The following GRAP2 variants were observed in gnomAD, a reference collection of about 807,000 sequenced individuals.
GRAP2 encodes the protein GRB2 related adaptor protein 2, also known as GRB2-related adapter protein 2.
Under a neutral mutation model 43.5 loss-of-function variants are expected in GRAP2, and 31 were observed. That is an observed-to-expected ratio of 0.71 (90% CI 0.54 to 0.96). GRAP2 has a LOEUF of 0.96. Ranked by LOEUF, GRAP2 falls within the 40% of genes least tolerant of loss-of-function variation. GRAP2 has a pLI of 0.00. For missense variants in GRAP2, 371 were observed against 424.4 expected (o/e 0.87, Z 1.11); for synonymous variants, 156 against 164.8 (o/e 0.95, Z 0.41).
intron 3 of GRAP2, among the ~76,000 whole-genome samples, chr22:39,959,418 G>A (rs988469557): frequency 1.3e-5 from 2 of 152,292 alleles, no homozygotes; most frequent in Admixed American, 6.5e-5. Context: ...GCTCTCTGGC[G>A]GCTGCCAGCC....
chr22:39,951,055 G>A (rs1357079510), intron 2 of GRAP2, among the ~76,000 whole-genome samples: 1 of 152,214 alleles, frequency 6.6e-6, no homozygotes, highest in Admixed American at 6.5e-5. Context: ...GTTTCCTGGG[G>A]CAGAGGCCCC....
intron 1 of GRAP2, among the ~76,000 whole-genome samples, chr22:39,901,962 T>C (rs1339269126): frequency 6.6e-6 from 1 of 152,236 alleles, no homozygotes; most frequent in Non-Finnish European, 1.5e-5. Flanking sequence ...TTGTCCCAAC[T>C]CTTCCTGAAC....
upstream of GRAP2, among the ~76,000 whole-genome samples, chr22:39,898,549 A>G (rs911554096): frequency 6.6e-6 from 1 of 152,254 alleles, no homozygotes; most frequent in Non-Finnish European, 1.5e-5. Context: ...GCAGTGGCTC[A>G]TGCCTGTAAT....
chr22:39,914,507 A>G (rs567902037), intron 1 of GRAP2, among the ~76,000 whole-genome samples: 3 of 152,316 alleles, frequency 2.0e-5, no homozygotes, highest in Admixed American at 6.5e-5. Context: ...TGAGCTGCAA[A>G]ACAAAGTTCT....
chr22:39,900,644 A>C (rs1391054750), upstream of GRAP2, among the ~76,000 whole-genome samples: 1 of 152,232 alleles, frequency 6.6e-6, no homozygotes, highest in African/African-American at 2.4e-5. Flanking sequence ...GACTGTGGCA[A>C]ACCTGGGGTG....
At chr22:39,946,994 C>A in intron 1 of GRAP2, 99 bp from the exon 2 acceptor site, 1 of 758,204 alleles carries the variant, frequency 1.3e-6, no homozygotes, top group Non-Finnish European at 2.4e-6. Flanking sequence ...CATCCATCTG[C>A]CCACTCTCCT....
rs1490820568 is a variant in GRAP2 at position 39,973,392 on chromosome 22, AC to A, written c.*2309del. ...CATACCCCTCAGGTAGAGAGTGAGA[AC>A]GAGACCAGGGGGTGACAGGGGTCAT... On this transcript the variant is annotated 3_prime_UTR_variant, in exon 8 of 8. Transcript: ENST00000344138. 1 of 152,186 alleles carries A rather than the reference AC, an allele frequency of 6.6e-6. No individual in the cohort carries two copies. The highest frequency in any genetic ancestry group is 1.5e-5 in the Non-Finnish European group (1 of 68,032). The allele number at this position is 152,186 out of a possible 1,614,324, so 9.4% of individuals were successfully genotyped here.
chr22:39,920,137 T>C (rs1441866027), intron 1 of GRAP2, among the ~76,000 whole-genome samples: 2 of 152,220 alleles, frequency 1.3e-5, no homozygotes, highest in Non-Finnish European at 2.9e-5. Context: ...CCAGGCCAAC[T>C]TGTGTCTGTC....
intron 4 of GRAP2, 105 bp downstream of exon 4, chr22:39,960,279 C>A: frequency 8.8e-7 from 1 of 1,136,778 alleles, no homozygotes; most frequent in Non-Finnish European, 1.3e-6. Context: ...TGGTCAGAAG[C>A]ATGGTGGCCT....
chr22:39,914,673 A>T (rs1016512421), intron 1 of GRAP2, among the ~76,000 whole-genome samples: 1 of 152,190 alleles, frequency 6.6e-6, no homozygotes, highest in Admixed American at 6.5e-5. Flanking sequence ...ATTTATTCCA[A>T]CTAGATTGCA....
chr22:39,895,602 C>A, the GRAP2 span, among the ~76,000 whole-genome samples: 1 of 152,138 alleles, frequency 6.6e-6, no homozygotes, highest in Non-Finnish European at 1.5e-5. Flanking sequence ...TTATGTAAAT[C>A]TCAAAGGAAT....
At chr22:39,949,757 A>G (rs1191916975) in intron 2 of GRAP2, among the ~76,000 whole-genome samples, 1 of 152,128 alleles carries the variant, frequency 6.6e-6, no homozygotes, top group African/African-American at 2.4e-5. Flanking sequence ...CCCTGTCCCA[A>G]CGTAGACGCC....
intron 1 of GRAP2, among the ~76,000 whole-genome samples, chr22:39,942,825 A>T (rs1320958015): frequency 6.6e-6 from 1 of 152,178 alleles, no homozygotes; most frequent in Non-Finnish European, 1.5e-5. Context: ...TTTGTTGCTG[A>T]TGTCCTGACA....
chr22:39,933,914 G>A (rs1318653679), intron 1 of GRAP2, among the ~76,000 whole-genome samples: 1 of 152,024 alleles, frequency 6.6e-6, no homozygotes, highest in Non-Finnish European at 1.5e-5. Flanking sequence ...GCTCTGTCAA[G>A]CAAGGAGAAT....
intron 1 of GRAP2, among the ~76,000 whole-genome samples, chr22:39,915,650 G>A (rs114691503): frequency 0.025 from 3,780 of 152,262 alleles, 157 homozygotes; most frequent in African/African-American, 0.086. Flanking sequence ...TACTTTCAAA[G>A]GAAAGAACTT....
chr22:39,903,032 G>A (rs1024191377), intron 1 of GRAP2, among the ~76,000 whole-genome samples: 5 of 152,206 alleles, frequency 3.3e-5, no homozygotes, highest in Admixed American at 1.3e-4. Flanking sequence ...TTGATTCCCA[G>A]ATAATAACAC....
intron 1 of GRAP2, among the ~76,000 whole-genome samples, chr22:39,934,384 A>T (rs2066785959): frequency 6.6e-6 from 1 of 152,238 alleles, no homozygotes. Context: ...TGAAGGAGCC[A>T]GGATTTGAAC....
At chr22:39,918,332 G>A (rs188372327) in intron 1 of GRAP2, among the ~76,000 whole-genome samples, 49 of 152,174 alleles carry the variant, frequency 3.2e-4, no homozygotes, top group South Asian at 8.3e-4. Context: ...TTCATTGCTG[G>A]GATCCCAAAA....
chr22:39,914,794 A>G (rs1054522335), intron 1 of GRAP2, among the ~76,000 whole-genome samples: 9 of 152,188 alleles, frequency 5.9e-5, no homozygotes, highest in Admixed American at 2.6e-4. Context: ...CAGATGAGGT[A>G]TTGTGGGATG....
Sources: allele counts gnomAD v4.1 joint callset (sites outside exome capture counted in the v4.1 genomes callset), GRCh38; gene constraint gnomAD v4.1.1; transcripts MANE v1.5; gene names NCBI Gene and HGNC (gene_info 2026-07-23, HGNC 2026-07-21).